Variants in ST8SIA4 observed in about 807,000 individuals in gnomAD.
The protein encoded by ST8SIA4 is ST8 alpha-N-acetyl-neuraminide alpha-2,8-sialyltransferase 4.
A neutral mutation model predicts 33.9 loss-of-function variants in ST8SIA4; 15 were observed. That is an observed-to-expected ratio of 0.44 (90% CI 0.30 to 0.68). The LOEUF (loss-of-function observed/expected upper bound fraction) is 0.68, where lower values mean the gene tolerates loss of function less well. ST8SIA4 is among the 30% of genes least tolerant of loss of function. The pLI is 0.10. For missense variants in ST8SIA4, 321 were observed against 428.0 expected, an observed-to-expected ratio of 0.75 and a Z score of 2.21; for synonymous variants, 171 against 151.2, an observed-to-expected ratio of 1.13 and a Z score of -0.96.
At chr5:100,828,953 A>G (rs532294984) in intron 4 of ST8SIA4, among the ~76,000 whole-genome samples, 1 of 152,322 alleles carries the variant, frequency 6.6e-6, no homozygotes, top group South Asian at 2.1e-4. Flanking sequence ...ACTCACTATG[A>G]AATAACGACG....
chr5:100,812,471 G>T (rs1400115442), intron 4 of ST8SIA4, among the ~76,000 whole-genome samples: 2 of 151,888 alleles, frequency 1.3e-5, no homozygotes, highest in African/African-American at 2.4e-5. Flanking sequence ...AAATACAACT[G>T]CAGAAGTCAT....
intron 4 of ST8SIA4, among the ~76,000 whole-genome samples, chr5:100,832,362 T>C (rs2548276): frequency 0.55 from 82,888 of 151,924 alleles, 24,281 homozygotes; most frequent in South Asian, 0.74. Context: ...AAAATGAAGA[T>C]ATTTTCGTAT....
chr5:100,849,192 C>T, intron 4 of ST8SIA4: 1 of 985,136 alleles, frequency 1.0e-6, no homozygotes, highest in African/African-American at 1.7e-5. Context: ...TGAATATTCC[C>T]ATGTGTAAGG....
chr5:100,868,682 T>C (rs893650370), intron 3 of ST8SIA4, among the ~76,000 whole-genome samples: 14 of 152,202 alleles, frequency 9.2e-5, no homozygotes, highest in Non-Finnish European at 1.6e-4. Flanking sequence ...AGACTACCTA[T>C]GTCTTTGTTT....
chr5:100,849,016 A>T (rs1561393414), intron 4 of ST8SIA4: 1 of 665,372 alleles, frequency 1.5e-6, no homozygotes. Context: ...GTGTTGAAAC[A>T]TGTAAAGAAT....
rs1159159229 is a variant in ST8SIA4, at chr5:100,858,718, A to C, written c.504-2322T>G. On this transcript the variant is annotated intron_variant, in intron 3 of 4. Coordinates refer to ENST00000231461, the MANE Select transcript of ST8SIA4 (RefSeq NM_005668.6). ...TATGGAGAACAGATTAATTTAGGAA[A>C]CAAACCAACATATTTGATTTAATTA... 3.9e-5 allele frequency among the ~76,000 whole-genome samples: 6 copies of C among 152,136 alleles called. No individual in the cohort carries two copies. In the East Asian group the frequency reaches 1.2e-3, roughly 29 times the overall value.
chr5:100,861,924 G>A (rs933489665), intron 3 of ST8SIA4, among the ~76,000 whole-genome samples: 1 of 152,128 alleles, frequency 6.6e-6, no homozygotes, highest in Non-Finnish European at 1.5e-5. Context: ...CTTGCCCTGG[G>A]TGGATAAAAC....
chr5:100,859,788 C>T (rs1460852836), intron 3 of ST8SIA4, among the ~76,000 whole-genome samples: 3 of 151,962 alleles, frequency 2.0e-5, no homozygotes, highest in African/African-American at 7.2e-5. Context: ...ACAGAATTCC[C>T]TAGCAAAAAA....
chr5:100,886,595 T>C lies in ST8SIA4; in HGVS notation c.251A>G (p.Asn84Ser), dbSNP rs1004068505. 1 of 1,612,018 alleles carries C rather than the reference T, an allele frequency of 6.2e-7. No homozygotes were observed. The highest frequency in any genetic ancestry group is 8.5e-7 in the Non-Finnish European group (1 of 1,178,376). Residue 84 changes from asparagine (N) to serine (S), a missense_variant, in exon 3 of 5, where the codon AAC (asparagine) becomes AGC (serine). Asn to Ser is a conservative substitution (Grantham distance 46). Coordinates refer to ENST00000231461, the MANE Select transcript of ST8SIA4 (RefSeq NM_005668.6). Reference sequence around the variant, plus strand: ...TTCTGCATCTAAGAAACGAAGTATGTTCTTCCTGTATTTGAAATACAAGCA... The same window carrying C: ...TTCTGCATCTAAGAAACGAAGTATGCTCTTCCTGTATTTGAAATACAAGCA... ...NSSLVLEIRK[N>S]ILRFLDAERD...
chr5:100,892,284 T>C (rs10058901), intron 2 of ST8SIA4, among the ~76,000 whole-genome samples: 63,346 of 151,984 alleles, frequency 0.42, 13,846 homozygotes, highest in African/African-American at 0.54. Context: ...TTCACAACAT[T>C]TAATGCATCT....
Position 100,807,616 on chromosome 5 carries a change from A to G in ST8SIA4, c.*4231T>C, listed in dbSNP as rs1158435741. The G allele has an allele frequency of 5.2e-5, 8 of 152,512 alleles. No homozygotes were observed. The highest frequency in any genetic ancestry group is 7.2e-5 in the African/African-American group (3 of 41,424). The allele number at this position is 152,512 out of a possible 1,614,324, so 9.4% of individuals were successfully genotyped here. A position where few individuals can be genotyped will look rare whatever the true frequency, so the allele number is the denominator to read the frequency against. Reference sequence around the variant, plus strand: ...CATACTAGACCCTTACTGTAACTCTACGTATGAACGACATAGAATTCAGTT... The same window carrying G: ...CATACTAGACCCTTACTGTAACTCTGCGTATGAACGACATAGAATTCAGTT... On this transcript the variant is annotated 3_prime_UTR_variant, in exon 5 of 5. Transcript: ENST00000231461.
chr5:100,813,097 A>G (rs887652099), intron 4 of ST8SIA4, among the ~76,000 whole-genome samples: 1 of 152,104 alleles, frequency 6.6e-6, no homozygotes, highest in African/African-American at 2.4e-5. Flanking sequence ...ATATTATGTT[A>G]GATCCTGTTT....
intron 3 of ST8SIA4, among the ~76,000 whole-genome samples, chr5:100,868,447 T>C (rs1361351845): frequency 6.6e-6 from 1 of 152,038 alleles, no homozygotes; most frequent in African/African-American, 2.4e-5. Context: ...AAGACACTGC[T>C]CTAACCAGTT....
chr5:100,813,020 AT>A (rs1414771495), intron 4 of ST8SIA4, among the ~76,000 whole-genome samples: 1 of 152,042 alleles, frequency 6.6e-6, no homozygotes, highest in Non-Finnish European at 1.5e-5. Flanking sequence ...AAGTTTAAAA[AT>A]TATTTTGTTT....
At chr5:100,884,675 C>A (rs1752499523) in intron 3 of ST8SIA4, among the ~76,000 whole-genome samples, 1 of 152,124 alleles carries the variant, frequency 6.6e-6, no homozygotes, top group African/African-American at 2.4e-5. Flanking sequence ...GAGATAAGAA[C>A]TCAGTAGTTT....
Position 100,807,412 on chromosome 5 carries a change from T to G in ST8SIA4, c.*4435A>C, listed in dbSNP as rs1207101724. The G allele has an allele frequency of 1.3e-5, 2 of 152,554 alleles. No individual in the cohort carries two copies. Among genetic ancestry groups the G allele is most frequent in the Non-Finnish European group, 2.9e-5 (2 of 67,966 alleles). 9.5% of individuals were successfully genotyped at this position (152,554 alleles called of 1,614,324 possible). On this transcript the variant is annotated 3_prime_UTR_variant, in exon 5 of 5. Transcript: ENST00000231461. ...AATGCTATCTCTGTAAACTCTTTTT[T>G]TTTCCTGCTATTTACATTTGAAACA...
intron 1 of ST8SIA4, 151 bp from the exon 2 acceptor site, chr5:100,895,936 G>T: frequency 1.4e-6 from 1 of 710,014 alleles, no homozygotes; most frequent in South Asian, 2.6e-5. Context: ...GATGAAAGGT[G>T]TTATGAGGAT....
chr5:100,826,610 G>GA (rs1751149827), intron 4 of ST8SIA4, among the ~76,000 whole-genome samples: 1 of 152,006 alleles, frequency 6.6e-6, no homozygotes. Flanking sequence ...ATTTATACGT[G>GA]AACAAACTGG....
At chr5:100,849,273 T>G in intron 4 of ST8SIA4, 1 of 985,242 alleles carries the variant, frequency 1.0e-6, no homozygotes, top group Non-Finnish European at 1.2e-6. Flanking sequence ...GTACGTATAT[T>G]TTAATGGTTA....
Sources: allele counts gnomAD v4.1 joint callset (sites outside exome capture counted in the v4.1 genomes callset), GRCh38; gene constraint gnomAD v4.1.1; transcripts MANE v1.5; gene names NCBI Gene and HGNC (gene_info 2026-07-23, HGNC 2026-07-21).